TCF25: variants seen among roughly 807,000 people sequenced by gnomAD.
The protein encoded by TCF25 is ribosome quality control complex subunit TCF25.
In TCF25, 41 loss-of-function variants were observed where a neutral mutation model predicts 83.1. The observed-to-expected ratio is 0.49, with a 90% CI of 0.38 to 0.64. The LOEUF (loss-of-function observed/expected upper bound fraction) is 0.64, where lower values mean the gene tolerates loss of function less well. Among genes scored for constraint, TCF25 ranks in the 30% least tolerant of loss-of-function variants. TCF25 has a pLI of 0.00. For missense variants in TCF25, 979 were observed against 914.5 expected (o/e 1.07, Z -0.91); for synonymous variants, 458 against 365.0 (o/e 1.25, Z -2.90).
At chr16:89,908,936 T>C in intron 16 of TCF25, 2 of 1,289,096 alleles carry the variant, frequency 1.6e-6, no homozygotes, top group Non-Finnish European at 2.0e-6. Flanking sequence ...GAGATGGGGC[T>C]CAGGGCTAAG....
intron 1 of TCF25, among the ~76,000 whole-genome samples, chr16:89,883,148 G>A (rs2042731397): frequency 6.7e-6 from 1 of 149,614 alleles, no homozygotes; most frequent in African/African-American, 2.5e-5. Context: ...TTTCTGTAGA[G>A]CTGCTGACAA....
At chr16:89,875,768 T>C (rs1447276523) in intron 1 of TCF25, among the ~76,000 whole-genome samples, 4 of 147,254 alleles carry the variant, frequency 2.7e-5, no homozygotes, top group African/African-American at 5.0e-5. Context: ...GTGATCCGCC[T>C]GCCTCGGCCT....
intron 12 of TCF25, among the ~76,000 whole-genome samples, chr16:89,903,114 G>A (rs1001080262): frequency 2.0e-5 from 3 of 152,378 alleles, no homozygotes; most frequent in South Asian, 2.1e-4. Flanking sequence ...CTGGAAACGC[G>A]GCTGGGAGGC....
intron 1 of TCF25, among the ~76,000 whole-genome samples, chr16:89,875,403 G>T (rs2143881320): frequency 6.7e-6 from 1 of 148,760 alleles, no homozygotes; most frequent in Non-Finnish European, 1.5e-5. Flanking sequence ...GTTTGTGTTT[G>T]TTCTTTAACT....
rs535273054 is a variant in TCF25 at position 89,893,845 on chromosome 16, C to T, written c.815C>T (p.Pro272Leu). The T allele has an allele frequency of 9.3e-6, 15 of 1,606,690 alleles. No homozygotes were observed. The highest frequency in any genetic ancestry group is 2.3e-5 in the East Asian group (1 of 44,324). Residue 272 changes from proline (P) to leucine (L), a missense_variant, in exon 7 of 18, where the codon CCG becomes CTG. By Grantham distance (98) the Pro-to-Leu change is moderately conservative. Coordinates refer to ENST00000263346, the MANE Select transcript of TCF25 (RefSeq NM_014972.3). ...KFLVAVESME[P>L]NNIVVLLQTS... ...CTGGTGGCCGTGGAGTCTATGGAGCCGAACAACATCGTGGTGCGTGGTCCC... is the reference window on the plus strand; with the variant it reads ...CTGGTGGCCGTGGAGTCTATGGAGCTGAACAACATCGTGGTGCGTGGTCCC...
chr16:89,874,773 A>AT lies in TCF25; in HGVS notation c.192+928dup, dbSNP rs113640417. 2.2e-3 allele frequency: 317 copies of AT among 144,846 alleles called. 1 individual carries two copies. Among genetic ancestry groups the AT allele is most frequent in the South Asian group, 4.6e-3 (21 of 4,582 alleles). 9.0% of individuals were successfully genotyped at this position (144,846 alleles called of 1,614,324 possible). ...AGGTGGATGTCACCACGCCCGGCTA[A>AT]TTTTTTTTTTTTTTCTTTTTTGTAG... is the stretch of plus-strand genomic sequence containing the variant. On this transcript the variant is annotated intron_variant, in intron 1 of 17. Coordinates refer to ENST00000263346, the MANE Select transcript of TCF25 (RefSeq NM_014972.3).
Position 89,905,070 on chromosome 16 carries a change from C to A in TCF25, c.1602C>A (p.Asp534Glu). The A allele has an allele frequency of 6.2e-7, 1 of 1,601,818 alleles. No homozygotes were observed. The highest frequency in any genetic ancestry group is 8.5e-7 in the Non-Finnish European group (1 of 1,174,806). Residue 534 changes from aspartate (D) to glutamate (E), a missense_variant, in exon 14 of 18, where the codon GAC becomes GAA. By Grantham distance (45) the Asp-to-Glu change is conservative. Transcript: ENST00000263346. ...TTCTGCAAGCAGTGGACGCCGGGGA[C>A]CCAGCCGTGGAAGCCTGTGAGAACC... ...HEVLQAVDAG[D>E]PAVEACENRR... is the part of the protein sequence containing the mutation.
rs139941545 is a variant in TCF25, at chr16:89,910,635, G to A, written c.1844G>A (p.Arg615Gln). The change falls in exon 17 of 18, where the codon CGG becomes CAG. Residue 615 changes from arginine to glutamine, a missense_variant. Transcript: ENST00000263346. ...SHGNTIALFF[R>Q]SLLPNYTMEG... ...GGAAACACCATTGCTCTCTTCTTCC[G>A]GTCACTGTTGCCAAACTATACCATG... 136 of 1,613,584 alleles carry A rather than the reference G, an allele frequency of 8.4e-5. No homozygotes were observed. Among genetic ancestry groups the A allele is most frequent in the African/African-American group, 7.1e-4 (53 of 75,064 alleles).
In TCF25 at chr16:89,904,148, T is replaced by C; in HGVS notation, c.1412T>C (p.Val471Ala). 6.2e-7 allele frequency: 1 copy of C among 1,606,946 alleles called. No homozygotes were observed. The highest frequency in any genetic ancestry group is 8.5e-7 in the Non-Finnish European group (1 of 1,176,884). ...CTGCCCCTGCTCGAGTCTTGCAGTG[T>C]GCGGCCCGACGCCAGCGTTTCCAGT... is the stretch of plus-strand genomic sequence containing the variant. The part of the protein sequence containing the change: ...VLLPLLESCS[V>A]RPDASVSSHR... The change falls in exon 13 of 18, where the codon GTG becomes GCG. Residue 471 changes from valine to alanine, a missense_variant. Transcript: ENST00000263346.
intron 11 of TCF25, among the ~76,000 whole-genome samples, chr16:89,899,921 T>C (rs1031317952): frequency 3.9e-5 from 6 of 152,090 alleles, no homozygotes; most frequent in Non-Finnish European, 7.3e-5. Context: ...TCATGGATAA[T>C]GAAAGTGGGT....
chr16:89,909,075 C>T, intron 16 of TCF25: 2 of 1,289,504 alleles, frequency 1.6e-6, no homozygotes, highest in Non-Finnish European at 1.0e-6. Flanking sequence ...GTGTCGGCCT[C>T]TGTGGCAGGT....
chr16:89,884,126 A>T (rs1375886894), intron 2 of TCF25: 1 of 174,142 alleles, frequency 5.7e-6, no homozygotes, highest in African/African-American at 2.4e-5. Flanking sequence ...GTGAAGTGAC[A>T]GGTGGGTCCT....
chr16:89,908,651 C>CTTT (rs2045252088), intron 16 of TCF25, among the ~76,000 whole-genome samples: 1 of 135,936 alleles, frequency 7.4e-6, no homozygotes, highest in Non-Finnish European at 1.6e-5. Flanking sequence ...CTCCCAGCTC[C>CTTT]CACCTCCCAG....
In TCF25 at chr16:89,911,107, G is replaced by A. The variant is rs760284669; in HGVS notation, c.1900G>A (p.Gly634Arg). 2.5e-6 allele frequency: 4 copies of A among 1,611,378 alleles called. No homozygotes were observed. The highest frequency in any genetic ancestry group is 2.2e-5 in the East Asian group (1 of 44,880). The change falls in exon 18 of 18, where the codon GGG (glycine) becomes AGG (arginine). Residue 634 changes from glycine to arginine, a missense_variant. Transcript: ENST00000263346. Reference protein sequence around the residue: ...EGERPEEGVAGGLNRNQGLNR... With the variant: ...EGERPEEGVARGLNRNQGLNR... ...GGAGAGGCCCGAGGAAGGAGTGGCT[G>A]GGGGTCTGAACCGCAACCAGGGCCT... is the stretch of plus-strand genomic sequence containing the variant.
intron 16 of TCF25, among the ~76,000 whole-genome samples, chr16:89,908,695 GCCTCCCA>G (rs1597395429): frequency 2.1e-3 from 10 of 4,754 alleles, no homozygotes; most frequent in African/African-American, 2.6e-3. Flanking sequence ...CCCACCTCCC[GCCTCCCA>G]GCTCCCACCT....
intron 11 of TCF25, among the ~76,000 whole-genome samples, chr16:89,900,211 G>T (rs2044201280): frequency 6.6e-6 from 1 of 151,906 alleles, no homozygotes; most frequent in South Asian, 2.1e-4. Flanking sequence ...CACGGTGGTA[G>T]ACTGCTCGGA....
At chr16:89,882,577 A>G (rs34604714) in intron 1 of TCF25, among the ~76,000 whole-genome samples, 11,490 of 152,092 alleles carry the variant, frequency 0.076, 648 homozygotes, top group East Asian at 0.26. Context: ...AATTATTTTT[A>G]TCGTATGTCA....
At chr16:89,887,085 G>GT (rs2043073054) in intron 4 of TCF25, among the ~76,000 whole-genome samples, 1 of 152,024 alleles carries the variant, frequency 6.6e-6, no homozygotes. Context: ...CCAGGCTGGA[G>GT]TTCAGTGGTG....
At chr16:89,894,304 C>T (rs988058244) in intron 7 of TCF25, among the ~76,000 whole-genome samples, 9 of 149,362 alleles carry the variant, frequency 6.0e-5, no homozygotes, top group Non-Finnish European at 8.9e-5. Flanking sequence ...CCCCGTACAG[C>T]CCCGGTGCAA....
Sources: gnomAD v4.1 joint callset for allele counts (sites outside exome capture counted in the v4.1 genomes callset) on GRCh38, gnomAD v4.1.1 for gene constraint, MANE v1.5 for transcripts, NCBI Gene and HGNC (gene_info 2026-07-23, HGNC 2026-07-21) for gene names.